BOD1L1: variants seen among roughly 807,000 people sequenced by gnomAD.
BOD1L1 encodes biorientation of chromosomes in cell division protein 1-like 1.
In BOD1L1, 86 loss-of-function variants were observed where a neutral mutation model predicts 240.7. The ratio of observed to expected loss-of-function variants is 0.36; its 90% confidence interval spans 0.30 to 0.43. BOD1L1 has a LOEUF of 0.43. BOD1L1 is among the 20% of genes least tolerant of loss of function. BOD1L1 has a pLI of 1.00. For synonymous variants in BOD1L1, 1,268 were observed against 1,272.3 expected, an observed-to-expected ratio of 1.00 and a Z score of 0.07; for missense variants, 3,554 against 3,643.5, an observed-to-expected ratio of 0.98 and a Z score of 0.63.
In BOD1L1 at chr4:13,604,228, T is replaced by G. The variant is rs1302957602; in HGVS notation, c.2672A>C (p.Glu891Ala). 4 of 1,613,600 alleles carry G rather than the reference T, an allele frequency of 2.5e-6. No individual in the cohort carries two copies. In the African/African-American group the frequency reaches 4.0e-5, roughly 16 times the overall value. The part of the protein sequence containing the change: ...TNMDSNLKPE[E>A]VVHKEKRRTK... Reference sequence around the variant, plus strand: ...TCGTCGTTTCTCCTTGTGAACAACCTCTTCTGGTTTCAAATTACTATCCAT... The same window carrying G: ...TCGTCGTTTCTCCTTGTGAACAACCGCTTCTGGTTTCAAATTACTATCCAT... The change falls in exon 10 of 26, where the codon GAG (glutamate) becomes GCG (alanine). Residue 891 changes from glutamate (E) to alanine (A), a missense_variant. Transcript: ENST00000040738.
chr4:13,598,920 A>C (rs1198862517), intron 10 of BOD1L1, 26 bp downstream of exon 10: 3 of 1,560,450 alleles, frequency 1.9e-6, no homozygotes, highest in Non-Finnish European at 2.6e-6. Context: ...AAATATTAAA[A>C]TTTGCAATTA....
rs562496143 is a variant in BOD1L1 at position 13,614,511 on chromosome 4, C to A, written c.859G>T (p.Val287Phe). The change falls in exon 4 of 26, where the codon GTC becomes TTC. Residue 287 changes from valine (V) to phenylalanine (F), a missense_variant. This residue lies in a region of BOD1L1 where 3,393 missense variants were observed against 3,427.1 expected (regional missense o/e 0.99). Coordinates refer to ENST00000040738, the MANE Select transcript of BOD1L1 (RefSeq NM_148894.3). ...TTTGTGTAATTTTTAATTTCTTCGA[C>A]TGGACAGGGGAGGTCGCTGAACTCT... ...SEEFSDLPCP[V>F]EEIKNYTKEH... is the part of the protein sequence containing the mutation. 17 of 1,613,852 alleles carry A rather than the reference C, an allele frequency of 1.1e-5. No homozygotes were observed. The South Asian group carries it at 1.8e-4, about 17-fold the overall frequency.
Position 13,599,433 on chromosome 4 carries a change from A to G in BOD1L1, c.7467T>C (p.Tyr2489=), listed in dbSNP as rs139316630. The G allele has an allele frequency of 1.3e-4, 211 of 1,613,870 alleles. No individual in the cohort carries two copies. The highest frequency in any genetic ancestry group is 4.0e-4 in the Admixed American group (24 of 60,000). The change falls in exon 10 of 26, where the codon TAT becomes TAC. Residue 2489 remains tyrosine, a synonymous_variant. Coordinates refer to ENST00000040738, the MANE Select transcript of BOD1L1 (RefSeq NM_148894.3). ...GTAGGSSTAS[Y]SAGRGLEGNA... ...TCCCCTCTAAGCCCCTTCCTGCTGA[A>G]TAACTTGCTGTGCTACTGCCCCCTG...
At position 13,627,498 on chromosome 4, in the gene BOD1L1, C is replaced by A. The variant is rs1717493040; in HGVS notation, c.90G>T (p.Pro30=). The A allele has an allele frequency of 1.0e-6, 1 of 982,476 alleles. No individual in the cohort carries two copies. Among genetic ancestry groups the A allele is most frequent in the African/African-American group, 1.8e-5 (1 of 56,848 alleles). The allele number at this position is 982,476 out of a possible 1,614,324, so 60.9% of individuals were successfully genotyped here. A position where few individuals can be genotyped will look rare whatever the true frequency, so the allele number is the denominator to read the frequency against. The change falls in exon 1 of 26, where the codon CCG becomes CCT. Residue 30 remains proline, a synonymous_variant. Transcript: ENST00000040738. The stretch of plus-strand genomic sequence containing the variant: ...CCGCGCCGGGGCCAGCCCCGGGGCC[C>A]GGCGGCGGCGGCGGTGGCTGCGGCT... ...QPQPQPPPPP[P]GPGAGPGAGG... is the part of the protein sequence containing the mutation.
intron 25 of BOD1L1, 57 bp downstream of exon 25, chr4:13,576,781 A>AG: frequency 1.3e-6 from 2 of 1,558,874 alleles, no homozygotes; most frequent in Non-Finnish European, 1.7e-6. Flanking sequence ...ACCCAGAGCA[A>AG]TTTTCAGATG....
At chr4:13,597,784 C>G (rs763017010) in intron 10 of BOD1L1, among the ~76,000 whole-genome samples, 1 of 152,318 alleles carries the variant, frequency 6.6e-6, no homozygotes, top group Admixed American at 6.5e-5. Flanking sequence ...ATAAAAACTT[C>G]TGGAGCATTC....
At chr4:13,597,564 C>T (rs924194781) in intron 10 of BOD1L1, among the ~76,000 whole-genome samples, 12 of 152,176 alleles carry the variant, frequency 7.9e-5, no homozygotes, top group African/African-American at 2.4e-5. Flanking sequence ...ACTTTACTTG[C>T]TTCACACTGA....
rs141581704 is a variant in BOD1L1, at chr4:13,622,061, T to C, written c.244-1994A>G. Among the ~76,000 whole-genome samples the C allele has an allele frequency of 6.4e-3, 969 of 152,068 alleles. 11 individuals are homozygous for C. Among genetic ancestry groups the C allele is most frequent in the Middle Eastern group, 0.027 (8 of 294 alleles). On this transcript the variant is annotated intron_variant, in intron 1 of 25. Coordinates refer to ENST00000040738, the MANE Select transcript of BOD1L1 (RefSeq NM_148894.3). ...TGTATTTTTAGTGGAGACAAGGTCTTGCTATATTGGCCATGTTGGTCTTGA... is the reference window on the plus strand; with the variant it reads ...TGTATTTTTAGTGGAGACAAGGTCTCGCTATATTGGCCATGTTGGTCTTGA...
rs1715450275 is a variant in BOD1L1 at position 13,603,961 on chromosome 4, G to A, written c.2939C>T (p.Ser980Leu). ...AGAATCCTTCTGTGTACTATGTGCTGAAGAAGAAGCAGTCTCTAATACAGG... is the reference window on the plus strand; with the variant it reads ...AGAATCCTTCTGTGTACTATGTGCTAAAGAAGAAGCAGTCTCTAATACAGG... ...VEPVLETASS[S>L]AHSTQKDSSH... is the part of the protein sequence containing the mutation. Residue 980 changes from serine (S) to leucine (L), a missense_variant, in exon 10 of 26, where the codon TCA becomes TTA. This residue lies in a region of BOD1L1 where 3,393 missense variants were observed against 3,427.1 expected (regional missense o/e 0.99). Transcript: ENST00000040738. 1.9e-6 allele frequency: 3 copies of A among 1,613,860 alleles called. No individual in the cohort carries two copies. The highest frequency in any genetic ancestry group is 1.7e-6 in the Non-Finnish European group (2 of 1,179,856).
intron 1 of BOD1L1, among the ~76,000 whole-genome samples, chr4:13,622,231 C>T (rs1261238316): frequency 6.6e-6 from 1 of 152,096 alleles, no homozygotes; most frequent in Non-Finnish European, 1.5e-5. Context: ...CCGGTATTCC[C>T]AAATCTAACA....
intron 5 of BOD1L1, among the ~76,000 whole-genome samples, chr4:13,612,811 A>T (rs1161098488): frequency 6.6e-6 from 1 of 152,054 alleles, no homozygotes. Context: ...TGACCTCTAG[A>T]GGGGGTAGAG....
Position 13,604,888 on chromosome 4 carries a change from G to A in BOD1L1, c.2012C>T (p.Thr671Ile), listed in dbSNP as rs1335887520. ...PVIMEGVQEE[T>I]DTRDVKRQVE... ...TTGCCTTTTTACATCTCTTGTGTCA[G>A]TCTCTTCCTGTACCCCCTCCATGAT... Residue 671 changes from threonine (T) to isoleucine (I), a missense_variant, in exon 10 of 26, where the codon ACT becomes ATT. By Grantham distance (89) the Thr-to-Ile change is moderately conservative. This residue lies in a region of BOD1L1 where 3,393 missense variants were observed against 3,427.1 expected (regional missense o/e 0.99). Transcript: ENST00000040738. 6.2e-7 allele frequency: 1 copy of A among 1,612,988 alleles called. No individual in the cohort carries two copies. The highest frequency in any genetic ancestry group is 1.1e-5 in the South Asian group (1 of 90,742).
At position 13,624,468 on chromosome 4, in the gene BOD1L1, G is replaced by A. The variant is rs181421005; in HGVS notation, c.243+2877C>T. 1.4e-4 allele frequency: 22 copies of A among 152,174 alleles called. No homozygotes were observed. In the East Asian group the frequency reaches 4.2e-3, roughly 29 times the overall value. The allele number at this position is 152,174 out of a possible 1,614,324, so 9.4% of individuals were successfully genotyped here. Reference sequence around the variant, plus strand: ...AAGTCTTGTTCTGTCTCCCAGGCTGGAGTGCACTGGCACAATCTCGGCTAA... The same window carrying A: ...AAGTCTTGTTCTGTCTCCCAGGCTGAAGTGCACTGGCACAATCTCGGCTAA... On this transcript the variant is annotated intron_variant, in intron 1 of 25. Coordinates refer to ENST00000040738, the MANE Select transcript of BOD1L1 (RefSeq NM_148894.3).
In BOD1L1 at chr4:13,585,133, AG is replaced by A. The variant is rs1713569349; in HGVS notation, c.8433+1262del. Among the ~76,000 whole-genome samples, 9 of 152,326 alleles carry A rather than the reference AG, an allele frequency of 5.9e-5. No homozygotes were observed. In the South Asian group the frequency reaches 1.7e-3, roughly 28 times the overall value. On this transcript the variant is annotated intron_variant, in intron 17 of 25. Coordinates refer to ENST00000040738, the MANE Select transcript of BOD1L1 (RefSeq NM_148894.3). ...CAGGATTTTTGATTTTGGACAGGGC[AG>A]GGTGAGGGATAGTTTAAGAGCCTGT...
At chr4:13,607,331 C>T in intron 8 of BOD1L1, 142 bp from the exon 9 acceptor site, 1 of 304,120 alleles carries the variant, frequency 3.3e-6, no homozygotes, top group South Asian at 1.1e-4. Context: ...TGGAGTCTTG[C>T]TCTTGTTGCC....
At position 13,577,478 on chromosome 4, in the gene BOD1L1, C is replaced by T. The variant is rs1025789862; in HGVS notation, c.8809G>A (p.Glu2937Lys). The change falls in exon 24 of 26, where the codon GAA (glutamate) becomes AAA (lysine). Residue 2937 changes from glutamate to lysine, a missense_variant. Glu to Lys is a moderately conservative substitution (Grantham distance 56, BLOSUM62 1). This residue lies in a region of BOD1L1 where 3,393 missense variants were observed against 3,427.1 expected (regional missense o/e 0.99). Coordinates refer to ENST00000040738, the MANE Select transcript of BOD1L1 (RefSeq NM_148894.3). ...QERSISNDDG[E>K]EKIVTSVRRR... ...CGCACACTTGTTACTATTTTTTCTT[C>T]ACCATCATCCTAGAAGCAATAAAAT... 3 of 1,613,476 alleles carry T rather than the reference C, an allele frequency of 1.9e-6. No individual in the cohort carries two copies. The highest frequency in any genetic ancestry group is 2.5e-6 in the Non-Finnish European group (3 of 1,179,668).
At chr4:13,617,574 T>C (rs1407338023) in intron 2 of BOD1L1, among the ~76,000 whole-genome samples, 1 of 152,218 alleles carries the variant, frequency 6.6e-6, no homozygotes, top group East Asian at 1.9e-4. Flanking sequence ...TTCCTTGTCT[T>C]CCTTTCAAAT....
rs749472750 is a variant in BOD1L1 at position 13,586,429 on chromosome 4, C to A, written c.8400G>T (p.Arg2800Ser). 5.0e-6 allele frequency: 8 copies of A among 1,612,162 alleles called. No individual in the cohort carries two copies. Among genetic ancestry groups the A allele is most frequent in the Non-Finnish European group, 6.8e-6 (8 of 1,178,930 alleles). ...VLDSRIETAQ[R>S]QCPETEPHDT... ...CATGTGGCTCCGTTTCAGGACACTG[C>A]CTTTGTGCTGTTTCTATTCTGGAAT... Residue 2800 changes from arginine to serine, a missense_variant, in exon 17 of 26, where the codon AGG (arginine) becomes AGT (serine). Arg to Ser is a moderately radical substitution (Grantham distance 110). Transcript: ENST00000040738.
At chr4:13,612,047 A>C (rs1187168121) in intron 5 of BOD1L1, among the ~76,000 whole-genome samples, 1 of 152,202 alleles carries the variant, frequency 6.6e-6, no homozygotes. Flanking sequence ...AATTTTAGTT[A>C]GGGCAGAGAA....
Sources: gnomAD v4.1 joint callset for allele counts (sites outside exome capture counted in the v4.1 genomes callset) on GRCh38, gnomAD v4.1.1 for gene constraint, gnomAD v4.1.1 regional missense constraint, MANE v1.5 for transcripts, NCBI Gene and HGNC (gene_info 2026-07-23, HGNC 2026-07-21) for gene names.